SPOCK1: variants seen among roughly 807,000 people sequenced by gnomAD.
The protein encoded by SPOCK1 is SPARC (osteonectin), cwcv and kazal like domains proteoglycan 1, also known as testican-1.
In SPOCK1, 23 loss-of-function variants were observed where a neutral mutation model predicts 55.3. That is an observed-to-expected ratio of 0.42 (90% CI 0.30 to 0.59). The LOEUF is 0.59. Ranked by LOEUF, SPOCK1 falls within the 20% of genes least tolerant of loss-of-function variation. SPOCK1 has a pLI of 0.22. For synonymous variants in SPOCK1, 226 were observed against 221.0 expected, an observed-to-expected ratio of 1.02 and a Z score of -0.20; for missense variants, 499 against 552.5, an observed-to-expected ratio of 0.90 and a Z score of 0.97.
intron 2 of SPOCK1, among the ~76,000 whole-genome samples, chr5:137,296,237 T>C (rs1757477075): frequency 6.6e-6 from 1 of 152,152 alleles, no homozygotes; most frequent in African/African-American, 2.4e-5. Context: ...ACCCAACATA[T>C]GGTATTGTTG....
At chr5:137,188,888 C>G (rs989370747) in intron 3 of SPOCK1, among the ~76,000 whole-genome samples, 1 of 152,214 alleles carries the variant, frequency 6.6e-6, no homozygotes, top group Non-Finnish European at 1.5e-5. Flanking sequence ...AGTGAACACA[C>G]AAATTACAGA....
chr5:137,362,400 A>C (rs1561515570), intron 2 of SPOCK1, among the ~76,000 whole-genome samples: 1 of 141,022 alleles, frequency 7.1e-6, no homozygotes, highest in African/African-American at 2.7e-5. Context: ...CATGATCTCC[A>C]CTCACGGCAA....
rs181063861 is a variant in SPOCK1, at chr5:137,059,485, C to A, written c.589+8230G>T. Among the ~76,000 whole-genome samples the A allele has an allele frequency of 2.9e-3, 439 of 152,260 alleles. 3 individuals carry two copies. Among genetic ancestry groups the A allele is most frequent in the African/African-American group, 1.0e-2 (415 of 41,554 alleles). On this transcript the variant is annotated intron_variant, in intron 6 of 10. Coordinates refer to ENST00000394945, the MANE Select transcript of SPOCK1 (RefSeq NM_004598.4). Reference sequence around the variant, plus strand: ...AAAGACTTAAATGCGAAACCTAAAACTATAAAACCTCTTCAAGAAAACCTA... The same window carrying A: ...AAAGACTTAAATGCGAAACCTAAAAATATAAAACCTCTTCAAGAAAACCTA...
chr5:137,208,560 C>T (rs11742245), intron 3 of SPOCK1, among the ~76,000 whole-genome samples: 60,502 of 152,058 alleles, frequency 0.4, 13,156 homozygotes, highest in Non-Finnish European at 0.48. Context: ...TTTGCAGCAA[C>T]ATGGATGCAG....
chr5:137,097,764 C>T (rs1228361162), intron 5 of SPOCK1, among the ~76,000 whole-genome samples: 5 of 152,268 alleles, frequency 3.3e-5, no homozygotes, highest in South Asian at 2.1e-4. Flanking sequence ...TGAATGAAAA[C>T]GGACCCAAAT....
At chr5:137,180,772 G>A (rs962448406) in intron 3 of SPOCK1, among the ~76,000 whole-genome samples, 6 of 152,150 alleles carry the variant, frequency 3.9e-5, no homozygotes, top group Non-Finnish European at 7.3e-5. Flanking sequence ...CCCAGTCTCT[G>A]ACAAACAGTC....
intron 2 of SPOCK1, among the ~76,000 whole-genome samples, chr5:137,272,771 G>A (rs371711170): frequency 8.0e-5 from 9 of 112,824 alleles, no homozygotes; most frequent in South Asian, 3.1e-4. Flanking sequence ...GGCCTAGGCC[G>A]CTTCTGAGCA....
intron 3 of SPOCK1, among the ~76,000 whole-genome samples, chr5:137,175,156 G>A (rs866842978): frequency 6.6e-6 from 1 of 152,198 alleles, no homozygotes; most frequent in Non-Finnish European, 1.5e-5. Flanking sequence ...TGAAGAGGGA[G>A]AAATTACTAC....
At chr5:137,010,746 C>T (rs1751333743) in intron 6 of SPOCK1, among the ~76,000 whole-genome samples, 1 of 152,150 alleles carries the variant, frequency 6.6e-6, no homozygotes, top group Non-Finnish European at 1.5e-5. Flanking sequence ...CCACAGATAT[C>T]ACGCCAACAT....
intron 5 of SPOCK1, among the ~76,000 whole-genome samples, chr5:137,100,027 G>A (rs1753230489): frequency 6.6e-6 from 1 of 152,138 alleles, no homozygotes; most frequent in Admixed American, 6.5e-5. Context: ...ATAACTAGGA[G>A]TTCGGTATCA....
intron 2 of SPOCK1, among the ~76,000 whole-genome samples, chr5:137,426,028 A>G (rs1228590707): frequency 6.6e-6 from 1 of 151,550 alleles, no homozygotes; most frequent in Non-Finnish European, 1.5e-5. Context: ...GCGTCTATCC[A>G]GAAATTAGGT....
In SPOCK1 at chr5:137,033,970, G is replaced by A. The variant is rs573005719; in HGVS notation, c.589+33745C>T. Among the ~76,000 whole-genome samples, 6 of 152,302 alleles carry A rather than the reference G, an allele frequency of 3.9e-5. No individual in the cohort carries two copies. The South Asian group carries it at 1.0e-3, about 26-fold the overall frequency. ...TGTGTTTTATAATAGTATCATCACA[G>A]TCCATGTCTCCCACTAAACTGTAAG... On this transcript the variant is annotated intron_variant, in intron 6 of 10. Coordinates refer to ENST00000394945, the MANE Select transcript of SPOCK1 (RefSeq NM_004598.4).
chr5:137,477,836 G>A (rs1034241995), intron 2 of SPOCK1, among the ~76,000 whole-genome samples: 3 of 152,204 alleles, frequency 2.0e-5, no homozygotes, highest in Non-Finnish European at 4.4e-5. Flanking sequence ...AGCATACCCT[G>A]CTGACTCTGG....
At chr5:137,281,232 C>T (rs551950255) in intron 2 of SPOCK1, among the ~76,000 whole-genome samples, 11 of 152,266 alleles carry the variant, frequency 7.2e-5, no homozygotes, top group Admixed American at 5.9e-4. Flanking sequence ...GAAACTACAG[C>T]CCAGAAAAGT....
At chr5:137,273,033 T>C (rs1757000694) in intron 2 of SPOCK1, among the ~76,000 whole-genome samples, 1 of 152,164 alleles carries the variant, frequency 6.6e-6, no homozygotes, top group Non-Finnish European at 1.5e-5. Flanking sequence ...GACATTTGGT[T>C]TAAAGTCCTC....
chr5:137,496,824 A>G lies in SPOCK1; in HGVS notation c.186+1549T>C, dbSNP rs558433606. 3.3e-5 allele frequency among the ~76,000 whole-genome samples: 5 copies of G among 152,320 alleles called. No homozygotes were observed. The South Asian group carries it at 8.3e-4, about 25-fold the overall frequency. On this transcript the variant is annotated intron_variant, in intron 2 of 10. Coordinates refer to ENST00000394945, the MANE Select transcript of SPOCK1 (RefSeq NM_004598.4). ...GGGGTAGGGGAGGAAAGTGAGGGGC[A>G]TATCTACTGCAAAAGACCCTAGTAG...
intron 3 of SPOCK1, among the ~76,000 whole-genome samples, chr5:137,220,839 C>T (rs1390399543): frequency 1.3e-5 from 2 of 152,182 alleles, no homozygotes; most frequent in Non-Finnish European, 2.9e-5. Context: ...TTCTCGGGCA[C>T]ACACATGGTT....
intron 5 of SPOCK1, among the ~76,000 whole-genome samples, chr5:137,090,702 T>G (rs1474829471): frequency 6.6e-6 from 1 of 152,040 alleles, no homozygotes; most frequent in Non-Finnish European, 1.5e-5. Flanking sequence ...CTCTCAAATA[T>G]CCCACAATCC....
intron 3 of SPOCK1, among the ~76,000 whole-genome samples, chr5:137,150,889 A>G (rs1248160105): frequency 6.6e-6 from 1 of 152,190 alleles, no homozygotes; most frequent in East Asian, 1.9e-4. Flanking sequence ...AGCCTATGGA[A>G]CACAGCTTCA....
Sources: allele counts gnomAD v4.1 joint callset (sites outside exome capture counted in the v4.1 genomes callset), GRCh38; gene constraint gnomAD v4.1.1; transcripts MANE v1.5; gene names NCBI Gene and HGNC (gene_info 2026-07-23, HGNC 2026-07-21).